Variants in FSIP2 observed in about 807,000 individuals in gnomAD.
FSIP2 encodes the protein fibrous sheath interacting protein 2, also known as fibrous sheath-interacting protein 2.
A neutral mutation model predicts 510.5 loss-of-function variants in FSIP2; 367 were observed. That is an observed-to-expected ratio of 0.72 (90% CI 0.66 to 0.78). FSIP2 has a LOEUF of 0.78. FSIP2 is among the 30% of genes least tolerant of loss of function. The pLI, the probability that FSIP2 is intolerant of heterozygous loss-of-function variation, is 0.00. For missense variants in FSIP2, 7,594 were observed against 7,901.7 expected, an observed-to-expected ratio of 0.96 and a Z score of 1.48; for synonymous variants, 2,601 against 2,732.2, an observed-to-expected ratio of 0.95 and a Z score of 1.50.
Position 185,792,444 on chromosome 2 carries a change from A to C in FSIP2, c.5308A>C (p.Lys1770Gln). Residue 1770 changes from lysine to glutamine, a missense_variant, in exon 16 of 23, where the codon AAA becomes CAA. Coordinates refer to ENST00000424728, the MANE Select transcript of FSIP2 (RefSeq NM_173651.4). The part of the protein sequence containing the change: ...KTLNKIEVKL[K>Q]EPHISPIAPI... Reference sequence around the variant, plus strand: ...CTTAAACAAAATTGAAGTAAAACTCAAAGAACCACATATATCTCCAATTGC... The same window carrying C: ...CTTAAACAAAATTGAAGTAAAACTCCAAGAACCACATATATCTCCAATTGC... The C allele has an allele frequency of 6.5e-7, 1 of 1,532,954 alleles. No individual in the cohort carries two copies. Among genetic ancestry groups the C allele is most frequent in the South Asian group, 1.2e-5 (1 of 83,958 alleles). 95.0% of individuals were successfully genotyped at this position (1,532,954 alleles called of 1,614,324 possible).
intron 4 of FSIP2, chr2:185,745,172 G>A (rs1259673990): frequency 1.2e-5 from 3 of 244,908 alleles, no homozygotes; most frequent in Non-Finnish European, 2.3e-5. Context: ...TGTGCCCAGT[G>A]TTTCTTCTCT....
rs897205364 is a variant in FSIP2, at chr2:185,803,994, G to A, written c.14688G>A (p.Ala4896=). Residue 4896 remains alanine (A), a synonymous_variant, in exon 17 of 23, where the codon GCG becomes GCA. Coordinates refer to ENST00000424728, the MANE Select transcript of FSIP2 (RefSeq NM_173651.4). Reference sequence around the variant, plus strand: ...GTGACATACCTGTTTCAAAAATAGCGAGTTTTATAATAAAAGAAATCTTTA... The same window carrying A: ...GTGACATACCTGTTTCAAAAATAGCAAGTTTTATAATAAAAGAAATCTTTA... ...SISDIPVSKI[A]SFIIKEIFNH... 30 of 1,494,818 alleles carry A rather than the reference G, an allele frequency of 2.0e-5. No homozygotes were observed. The Admixed American group carries it at 2.5e-4, about 12-fold the overall frequency. 92.6% of individuals were successfully genotyped at this position (1,494,818 alleles called of 1,614,324 possible). A position where few individuals can be genotyped will look rare whatever the true frequency, so the allele number is the denominator to read the frequency against.
chr2:185,824,111 T>C (rs1269700496), intron 19 of FSIP2, among the ~76,000 whole-genome samples: 3 of 151,872 alleles, frequency 2.0e-5, no homozygotes, highest in African/African-American at 4.8e-5. Flanking sequence ...GTTTAATTGG[T>C]ATACAGTTTC....
Position 185,739,497 on chromosome 2 carries a change from T to A in FSIP2, c.225+26T>A. 4.1e-6 allele frequency: 6 copies of A among 1,476,274 alleles called. No homozygotes were observed. In the South Asian group the frequency reaches 7.9e-5, roughly 19 times the overall value. 91.4% of individuals were successfully genotyped at this position (1,476,274 alleles called of 1,614,324 possible). ...GTGAACAAGTTTTTATCGTCTTTCT[T>A]TCCTTTACCCTTTACTACTTGCTGT... On this transcript the variant is annotated intron_variant, in intron 2 of 22. Coordinates refer to ENST00000424728, the MANE Select transcript of FSIP2 (RefSeq NM_173651.4).
In FSIP2 at chr2:185,802,164, G is replaced by A. The variant is rs988120408; in HGVS notation, c.12858G>A (p.Leu4286=). Residue 4286 remains leucine (L), a synonymous_variant, in exon 17 of 23, where the codon CTG becomes CTA. Transcript: ENST00000424728. ...DPVSTIVTQV[L]SEVIESHRPQ... is the part of the protein sequence containing the mutation. ...TGTCTACTATTGTTACACAGGTTCT[G>A]AGTGAAGTGATAGAGTCACACAGAC... 19 of 1,533,212 alleles carry A rather than the reference G, an allele frequency of 1.2e-5. No individual in the cohort carries two copies. Among genetic ancestry groups the A allele is most frequent in the Non-Finnish European group, 1.7e-5 (19 of 1,145,032 alleles). The allele number at this position is 1,533,212 out of a possible 1,614,324, so 95.0% of individuals were successfully genotyped here. A position where few individuals can be genotyped will look rare whatever the true frequency, so the allele number is the denominator to read the frequency against.
chr2:185,768,231 TTTA>T (rs1460182860), intron 13 of FSIP2, among the ~76,000 whole-genome samples: 2 of 152,146 alleles, frequency 1.3e-5, no homozygotes, highest in Non-Finnish European at 2.9e-5. Context: ...GCTTTCTCAC[TTTA>T]TTGTTTTACA....
Position 185,800,332 on chromosome 2 carries a change from C to T in FSIP2, c.11026C>T (p.Leu3676Phe). ...QLFQKNKLSYLACKLNSLVGN... is the reference protein window; with the variant it reads ...QLFQKNKLSYFACKLNSLVGN... ...TTTTCAAAAAAATAAGTTAAGTTATCTTGCATGTAAGTTAAACAGCCTGGT... is the reference window on the plus strand; with the variant it reads ...TTTTCAAAAAAATAAGTTAAGTTATTTTGCATGTAAGTTAAACAGCCTGGT... The change falls in exon 17 of 23, where the codon CTT becomes TTT. Residue 3676 changes from leucine to phenylalanine, a missense_variant. Coordinates refer to ENST00000424728, the MANE Select transcript of FSIP2 (RefSeq NM_173651.4). The T allele has an allele frequency of 6.5e-7, 1 of 1,533,034 alleles. No homozygotes were observed. Among genetic ancestry groups the T allele is most frequent in the Non-Finnish European group, 8.7e-7 (1 of 1,145,262 alleles). 95.0% of individuals were successfully genotyped at this position (1,533,034 alleles called of 1,614,324 possible). A position where few individuals can be genotyped will look rare whatever the true frequency, so the allele number is the denominator to read the frequency against.
At position 185,791,229 on chromosome 2, in the gene FSIP2, T is replaced by C; in HGVS notation, c.4093T>C (p.Leu1365=). 6.5e-7 allele frequency: 1 copy of C among 1,533,882 alleles called. No homozygotes were observed. The highest frequency in any genetic ancestry group is 1.2e-5 in the South Asian group (1 of 83,988). The change falls in exon 16 of 23, where the codon TTG becomes CTG. Residue 1365 remains leucine (L), a synonymous_variant. Coordinates refer to ENST00000424728, the MANE Select transcript of FSIP2 (RefSeq NM_173651.4). ...SPLLTCIYDM[L]LSSENAHQRS... is the part of the protein sequence containing the mutation. ...ATTATTAACCTGTATTTATGATATGTTGTTATCAAGTGAAAATGCACATCA... is the reference window on the plus strand; with the variant it reads ...ATTATTAACCTGTATTTATGATATGCTGTTATCAAGTGAAAATGCACATCA...
Position 185,794,864 on chromosome 2 carries a change from C to T in FSIP2, c.7728C>T (p.Ser2576=), listed in dbSNP as rs534329716. ...TEVEISDHND[S]LLMKPLRFRE... ...TTGAAATATCTGACCACAATGATTC[C>T]TTACTAATGAAACCATTAAGGTTTA... Residue 2576 remains serine, a synonymous_variant, in exon 16 of 23, where the codon TCC becomes TCT. Transcript: ENST00000424728. 5 of 1,533,172 alleles carry T rather than the reference C, an allele frequency of 3.3e-6. No homozygotes were observed. The African/African-American group carries it at 5.5e-5, about 17-fold the overall frequency. 95.0% of individuals were successfully genotyped at this position (1,533,172 alleles called of 1,614,324 possible).
In FSIP2 at chr2:185,805,315, AT is replaced by A; in HGVS notation, c.16010del (p.Met5337SerfsTer24). 1 of 1,597,638 alleles carries A rather than the reference AT, an allele frequency of 6.3e-7. No individual in the cohort carries two copies. The highest frequency in any genetic ancestry group is 8.5e-7 in the Non-Finnish European group (1 of 1,174,444). On this transcript the variant is annotated frameshift_variant, in exon 17 of 23. Coordinates refer to ENST00000424728, the MANE Select transcript of FSIP2 (RefSeq NM_173651.4). LOFTEE classifies it high-confidence loss of function. ...DIKVLPNAEK[M>X]FSFPPIDKET... The stretch of plus-strand genomic sequence containing the variant: ...TAAAGTTTTACCAAATGCTGAAAAA[AT>A]GTTTTCTTTTCCACCAATTGATAAA...
At position 185,815,402 on chromosome 2, in the gene FSIP2, C is replaced by T. The variant is rs924832744; in HGVS notation, c.20357C>T (p.Thr6786Ile). The T allele has an allele frequency of 5.9e-6, 9 of 1,527,852 alleles. No individual in the cohort carries two copies. Among genetic ancestry groups the T allele is most frequent in the Non-Finnish European group, 8.1e-6 (9 of 1,113,784 alleles). The allele number at this position is 1,527,852 out of a possible 1,614,324, so 94.6% of individuals were successfully genotyped here. A position where few individuals can be genotyped will look rare whatever the true frequency, so the allele number is the denominator to read the frequency against. The change falls in exon 19 of 23, where the codon ACA (threonine) becomes ATA (isoleucine). Residue 6786 changes from threonine to isoleucine, a missense_variant. Transcript: ENST00000424728. Reference protein sequence around the residue: ...KEEKNLVTEPTHYFIHRIMSS... With the variant: ...KEEKNLVTEPIHYFIHRIMSS... ...GAAAAGAATCTTGTTACTGAACCAA[C>T]ACATTACTTCATACACAGAATTATG...
intron 13 of FSIP2, chr2:185,764,931 T>C: frequency 6.1e-6 from 1 of 162,952 alleles, no homozygotes; most frequent in Non-Finnish European, 1.3e-5. Flanking sequence ...TGTACTAATG[T>C]TGACAACCAA....
chr2:185,829,612 T>C (rs1694072454), intron 21 of FSIP2, among the ~76,000 whole-genome samples: 1 of 151,974 alleles, frequency 6.6e-6, no homozygotes, highest in South Asian at 2.1e-4. Context: ...CAAGGCAAGG[T>C]GCCCTCATGA....
intron 20 of FSIP2, among the ~76,000 whole-genome samples, chr2:185,826,365 C>A (rs989879224): frequency 6.6e-6 from 1 of 151,914 alleles, no homozygotes; most frequent in Non-Finnish European, 1.5e-5. Context: ...TCAATCCATT[C>A]CAATCACACT....
chr2:185,795,197 T>C lies in FSIP2; in HGVS notation c.8061T>C (p.Ala2687=), dbSNP rs995044330. 2.0e-6 allele frequency: 3 copies of C among 1,534,776 alleles called. No individual in the cohort carries two copies. In the African/African-American group the frequency reaches 4.1e-5, roughly 21 times the overall value. ...AAACACACTTAGGACTGAGTGCTGC[T>C]AAGGCCAAAAGCAAAACCAAGTTAG... is the stretch of plus-strand genomic sequence containing the variant. ...TKKTHLGLSA[A]KAKSKTKLGP... Residue 2687 remains alanine, a synonymous_variant, in exon 16 of 23, where the codon GCT becomes GCC. Coordinates refer to ENST00000424728, the MANE Select transcript of FSIP2 (RefSeq NM_173651.4).
intron 21 of FSIP2, 109 bp downstream of exon 21, chr2:185,828,308 G>A: frequency 1.5e-6 from 1 of 669,148 alleles, no homozygotes. Context: ...AAGGATATCA[G>A]AAAGCATTCT....
In FSIP2 at chr2:185,792,065, A is replaced by G; in HGVS notation, c.4929A>G (p.Ala1643=). 1 of 1,533,966 alleles carries G rather than the reference A, an allele frequency of 6.5e-7. No individual in the cohort carries two copies. The highest frequency in any genetic ancestry group is 8.7e-7 in the Non-Finnish European group (1 of 1,145,278). The change falls in exon 16 of 23, where the codon GCA becomes GCG. Residue 1643 remains alanine, a synonymous_variant. Transcript: ENST00000424728. ...TTCTGTCTGCTTTATATATGCATGC[A>G]AAGAAGGTATCAAGTGCTATTTTGA... is the stretch of plus-strand genomic sequence containing the variant. ...ASFLSALYMH[A]KKVSSAILKV...
Position 185,801,668 on chromosome 2 carries a change from T to C in FSIP2, c.12362T>C (p.Leu4121Pro). The change falls in exon 17 of 23, where the codon CTA becomes CCA. Residue 4121 changes from leucine to proline, a missense_variant. By Grantham distance (98) the Leu-to-Pro change is moderately conservative. Coordinates refer to ENST00000424728, the MANE Select transcript of FSIP2 (RefSeq NM_173651.4). The stretch of plus-strand genomic sequence containing the variant: ...ATATTGCAAAAGCTTCAAAGTAACC[T>C]AACAGAATTTACTTCTCTACCCAGG... Reference protein sequence around the residue: ...EIILQKLQSNLTEFTSLPRSS... With the variant: ...EIILQKLQSNPTEFTSLPRSS... The C allele has an allele frequency of 6.5e-7, 1 of 1,527,744 alleles. No homozygotes were observed. Among genetic ancestry groups the C allele is most frequent in the Non-Finnish European group, 8.7e-7 (1 of 1,143,070 alleles). The allele number at this position is 1,527,744 out of a possible 1,614,324, so 94.6% of individuals were successfully genotyped here.
chr2:185,805,468 G>A lies in FSIP2; in HGVS notation c.16162G>A (p.Ala5388Thr). 1 of 1,611,404 alleles carries A rather than the reference G, an allele frequency of 6.2e-7. No individual in the cohort carries two copies. Among genetic ancestry groups the A allele is most frequent in the Non-Finnish European group, 8.5e-7 (1 of 1,178,376 alleles). ...IGMIAALTQK[A>T]ISAFRIQPLF... ...GATGATTGCTGCTCTAACCCAGAAG[G>A]CAATATCTGCATTCAGGATTCAACC... Residue 5388 changes from alanine (A) to threonine (T), a missense_variant, in exon 17 of 23, where the codon GCA becomes ACA. By Grantham distance (58) the Ala-to-Thr change is moderately conservative. Transcript: ENST00000424728.
Sources: gnomAD v4.1 joint callset for allele counts (sites outside exome capture counted in the v4.1 genomes callset) on GRCh38, gnomAD v4.1.1 for gene constraint, MANE v1.5 for transcripts, NCBI Gene and HGNC (gene_info 2026-07-23, HGNC 2026-07-21) for gene names.